Variants in TENM4 observed in about 807,000 individuals in gnomAD.
The protein encoded by TENM4 is teneurin transmembrane protein 4, also known as teneurin-4.
Under a neutral mutation model 243.3 loss-of-function variants are expected in TENM4, and 82 were observed. The observed-to-expected ratio is 0.34, with a 90% CI of 0.28 to 0.40. The LOEUF is 0.40. Among genes scored for constraint, TENM4 ranks in the 10% least tolerant of loss-of-function variants. TENM4 has a pLI of 1.00. For missense variants in TENM4, 3,138 were observed against 3,673.3 expected (o/e 0.85, Z 3.77); for synonymous variants, 1,412 against 1,456.3 (o/e 0.97, Z 0.69).
chr11:79,026,068 T>C (rs146543240), intron 6 of TENM4, among the ~76,000 whole-genome samples: 1 of 152,328 alleles, frequency 6.6e-6, no homozygotes, highest in Non-Finnish European at 1.5e-5. Flanking sequence ...ACGATGTCAG[T>C]GATCACAGCA....
In TENM4 at chr11:79,284,973, C is replaced by T. The variant is rs145383394; in HGVS notation, c.-265+12515G>A. 3.9e-5 allele frequency among the ~76,000 whole-genome samples: 6 copies of T among 152,270 alleles called. No individual in the cohort carries two copies. In the East Asian group the frequency reaches 7.7e-4, roughly 20 times the overall value. On this transcript the variant is annotated intron_variant, in intron 2 of 33. Transcript: ENST00000278550. ...TGAATATTGGCCAGGCACGGTGGCT[C>T]ACGCCTGTAATCCCAGCATACTTTG... is the stretch of plus-strand genomic sequence containing the variant.
At chr11:78,871,725 G>A (rs1002722163) in intron 9 of TENM4, among the ~76,000 whole-genome samples, 1 of 152,126 alleles carries the variant, frequency 6.6e-6, no homozygotes, top group Admixed American at 6.5e-5. Flanking sequence ...CATCTCCTTG[G>A]GTCTAAGGTA....
In TENM4 at chr11:78,805,279, C is replaced by CCCACCCACCACA; in HGVS notation, c.2179+12_2179+13insTGTGGTGGGTGG. On this transcript the variant is annotated intron_variant, in intron 15 of 33. Coordinates refer to ENST00000278550, the MANE Select transcript of TENM4 (RefSeq NM_001098816.3). ...CCTCCCTCTACCCATGCTTCTTCTC[C>CCCACCCACCACA]CCCTGCATTTACCGATAGAACAGTC... 32 of 1,512,272 alleles carry CCCACCCACCACA rather than the reference C, an allele frequency of 2.1e-5. No homozygotes were observed. Among genetic ancestry groups the CCCACCCACCACA allele is most frequent in the East Asian group, 2.6e-5 (1 of 38,368 alleles). The allele number at this position is 1,512,272 out of a possible 1,614,324, so 93.7% of individuals were successfully genotyped here.
At chr11:78,992,597 G>A (rs189295013) in intron 6 of TENM4, among the ~76,000 whole-genome samples, 1 of 152,308 alleles carries the variant, frequency 6.6e-6, no homozygotes, top group African/African-American at 2.4e-5. Flanking sequence ...TGGATCTTGA[G>A]AAAGAACGGG....
rs759286661 is a variant in TENM4, at chr11:79,289,096, G to T, written c.-265+8392C>A. Among the ~76,000 whole-genome samples, 5 of 152,194 alleles carry T rather than the reference G, an allele frequency of 3.3e-5. No individual in the cohort carries two copies. In the South Asian group the frequency reaches 1.0e-3, roughly 32 times the overall value. On this transcript the variant is annotated intron_variant, in intron 2 of 33. Transcript: ENST00000278550. ...AATCATAACACTCAAGACTTATTAT[G>T]ACACCATCAATAAATGTTTCCTACA...
At chr11:78,747,459 C>T (rs1233532440) in intron 19 of TENM4, among the ~76,000 whole-genome samples, 1 of 152,220 alleles carries the variant, frequency 6.6e-6, no homozygotes, top group South Asian at 2.1e-4. Context: ...GCAGCTGGGG[C>T]TGCTCTAAGT....
intron 2 of TENM4, among the ~76,000 whole-genome samples, chr11:79,261,599 C>A (rs1397504608): frequency 1.3e-5 from 2 of 152,208 alleles, no homozygotes; most frequent in South Asian, 2.1e-4. Flanking sequence ...CTCTTCCCAC[C>A]TTCCTTGGGT....
intron 3 of TENM4, among the ~76,000 whole-genome samples, chr11:79,213,218 A>AG (rs1360892914): frequency 6.6e-6 from 1 of 152,166 alleles, no homozygotes. Context: ...TGGCTTGAAT[A>AG]GTAGCATGTA....
chr11:78,880,018 G>C (rs1798632234), intron 9 of TENM4, among the ~76,000 whole-genome samples: 1 of 152,250 alleles, frequency 6.6e-6, no homozygotes, highest in East Asian at 1.9e-4. Flanking sequence ...AAGCAAAGGG[G>C]GAAATGCAGG....
At chr11:78,991,371 C>T (rs572547354) in intron 6 of TENM4, among the ~76,000 whole-genome samples, 54 of 152,056 alleles carry the variant, frequency 3.6e-4, no homozygotes, top group Admixed American at 2.9e-3. Context: ...GTAGGTTACT[C>T]GAAGGTCTCA....
At chr11:79,010,048 AT>A (rs1331331396) in intron 6 of TENM4, among the ~76,000 whole-genome samples, 2 of 151,948 alleles carry the variant, frequency 1.3e-5, no homozygotes, top group Non-Finnish European at 2.9e-5. Context: ...CTTTTTCCTC[AT>A]TCACCTTCCT....
rs545038413 is a variant in TENM4, at chr11:78,920,729, G to GTA, written c.494-17208_494-17207dup. 1.9e-3 allele frequency among the ~76,000 whole-genome samples: 285 copies of GTA among 152,150 alleles called. 1 individual carries two copies. The highest frequency in any genetic ancestry group is 2.9e-3 in the Non-Finnish European group (199 of 67,974). ...ATCAAACAAGATTATATATATGTGT[G>GTA]TATATATATATAAAAGCCTTTTAAT... is the stretch of plus-strand genomic sequence containing the variant. On this transcript the variant is annotated intron_variant, in intron 6 of 33. Coordinates refer to ENST00000278550, the MANE Select transcript of TENM4 (RefSeq NM_001098816.3).
chr11:79,324,974 T>G (rs546878162), intron 1 of TENM4, among the ~76,000 whole-genome samples: 1 of 152,306 alleles, frequency 6.6e-6, no homozygotes, highest in South Asian at 2.1e-4. Flanking sequence ...TCAGTCCCTT[T>G]CAGGGAAATG....
rs1242848039 is a variant in TENM4 at position 78,854,064 on chromosome 11, G to C, written c.1681+40C>G. The C allele has an allele frequency of 2.6e-6, 4 of 1,529,236 alleles. No individual in the cohort carries two copies. In the Admixed American group the frequency reaches 6.0e-5, roughly 23 times the overall value. The allele number at this position is 1,529,236 out of a possible 1,614,324, so 94.7% of individuals were successfully genotyped here. On this transcript the variant is annotated intron_variant, in intron 12 of 33. Coordinates refer to ENST00000278550, the MANE Select transcript of TENM4 (RefSeq NM_001098816.3). Reference sequence around the variant, plus strand: ...CTCCATGCAGCCTCCGACCAAAAGAGACAATATCCCACAGCCCCCAGAGGG... The same window carrying C: ...CTCCATGCAGCCTCCGACCAAAAGACACAATATCCCACAGCCCCCAGAGGG...
chr11:78,667,143 G>T (rs1858177601), intron 32 of TENM4, among the ~76,000 whole-genome samples: 1 of 152,126 alleles, frequency 6.6e-6, no homozygotes, highest in Admixed American at 6.5e-5. Context: ...CATGGTGAAG[G>T]CTGTGAAACA....
At chr11:79,018,515 G>A (rs1858838699) in intron 6 of TENM4, among the ~76,000 whole-genome samples, 1 of 151,974 alleles carries the variant, frequency 6.6e-6, no homozygotes, top group Non-Finnish European at 1.5e-5. Context: ...TAGCTCACCA[G>A]TAAGCTGATT....
chr11:79,112,214 A>G (rs1385641298), intron 4 of TENM4, among the ~76,000 whole-genome samples: 1 of 152,216 alleles, frequency 6.6e-6, no homozygotes, highest in Admixed American at 6.5e-5. Flanking sequence ...GTAAATTTAT[A>G]TATGCTTGTG....
At chr11:79,002,410 G>A (rs916521035) in intron 6 of TENM4, among the ~76,000 whole-genome samples, 1 of 152,244 alleles carries the variant, frequency 6.6e-6, no homozygotes, top group Admixed American at 6.5e-5. Context: ...ACCCATTGGA[G>A]TGTTGTGGCC....
At chr11:78,815,398 A>G (rs1386476923) in intron 12 of TENM4, among the ~76,000 whole-genome samples, 1 of 150,698 alleles carries the variant, frequency 6.6e-6, no homozygotes, top group East Asian at 1.9e-4. Flanking sequence ...AAAAAAAAAA[A>G]GTTTTCTTTC....
Sources: allele counts gnomAD v4.1 joint callset (sites outside exome capture counted in the v4.1 genomes callset), GRCh38; gene constraint gnomAD v4.1.1; transcripts MANE v1.5; gene names NCBI Gene and HGNC (gene_info 2026-07-23, HGNC 2026-07-21).